LRRC36: variants seen among roughly 807,000 people sequenced by gnomAD.
The protein encoded by LRRC36 is leucine rich repeat containing 36, also known as leucine-rich repeat-containing protein 36.
In LRRC36, 62 loss-of-function variants were observed where a neutral mutation model predicts 81.1. That is an observed-to-expected ratio of 0.76 (90% CI 0.62 to 0.94). The LOEUF is 0.94. LRRC36 is among the 40% of genes least tolerant of loss of function. The pLI is 0.00. For missense variants in LRRC36, 761 were observed against 881.7 expected (o/e 0.86, Z 1.73); for synonymous variants, 334 against 348.6 (o/e 0.96, Z 0.47).
intron 1 of LRRC36, among the ~76,000 whole-genome samples, chr16:67,331,219 C>T (rs573952278): frequency 6.6e-6 from 1 of 152,284 alleles, no homozygotes; most frequent in South Asian, 2.1e-4. Flanking sequence ...AGAGGCCCCA[C>T]CTCGCAGTGC....
intron 1 of LRRC36, among the ~76,000 whole-genome samples, chr16:67,331,076 AG>A (rs1428386053): frequency 2.5e-5 from 2 of 80,020 alleles, no homozygotes; most frequent in African/African-American, 9.1e-5. Flanking sequence ...AGAAAGAGAG[AG>A]AGAGAGAGAG....
intron 1 of LRRC36, among the ~76,000 whole-genome samples, chr16:67,335,266 C>T (rs923664474): frequency 2.0e-5 from 3 of 152,134 alleles, no homozygotes; most frequent in Non-Finnish European, 2.9e-5. Flanking sequence ...TAGAGGCCTC[C>T]CTTCAGGGAT....
intron 11 of LRRC36, among the ~76,000 whole-genome samples, chr16:67,377,113 A>C (rs1422051620): frequency 2.0e-5 from 3 of 152,174 alleles, no homozygotes; most frequent in African/African-American, 7.2e-5. Context: ...ACAAACAAAA[A>C]TTCCAAAAAA....
intron 2 of LRRC36, 34 bp downstream of exon 2, chr16:67,342,118 C>T (rs1478126738): frequency 6.9e-7 from 1 of 1,458,604 alleles, no homozygotes; most frequent in South Asian, 1.5e-5. Context: ...GCCAGGTCTG[C>T]CCAATTTATT....
intron 5 of LRRC36, among the ~76,000 whole-genome samples, chr16:67,353,053 CA>C (rs1453663350): frequency 6.6e-6 from 1 of 152,088 alleles, no homozygotes; most frequent in African/African-American, 2.4e-5. Context: ...CTAGCTTTGA[CA>C]ACCTGCACTG....
At chr16:67,369,390 T>C (rs377532498) in intron 8 of LRRC36, among the ~76,000 whole-genome samples, 89 of 152,310 alleles carry the variant, frequency 5.8e-4, no homozygotes, top group African/African-American at 1.9e-3. Flanking sequence ...GGTCAAATGC[T>C]TCTCCTGATA....
intron 2 of LRRC36, among the ~76,000 whole-genome samples, chr16:67,342,378 T>C (rs1183890054): frequency 6.6e-6 from 1 of 152,194 alleles, no homozygotes. Flanking sequence ...AGAACACTTG[T>C]AGAAGTACAG....
intron 5 of LRRC36, among the ~76,000 whole-genome samples, chr16:67,356,746 G>A (rs2142062261): frequency 6.6e-6 from 1 of 152,300 alleles, no homozygotes; most frequent in Middle Eastern, 3.4e-3. Context: ...AGTACTCATT[G>A]CAGGCCTGGG....
intron 1 of LRRC36, among the ~76,000 whole-genome samples, chr16:67,328,513 G>A (rs1212565352): frequency 2.0e-5 from 3 of 151,642 alleles, no homozygotes; most frequent in Non-Finnish European, 2.9e-5. Flanking sequence ...ACTCCGTCTC[G>A]AAAAAATAAA....
chr16:67,341,344 G>A (rs1196403186), intron 1 of LRRC36, among the ~76,000 whole-genome samples: 6 of 146,726 alleles, frequency 4.1e-5, no homozygotes, highest in Non-Finnish European at 9.0e-5. Context: ...TATATGTTTT[G>A]TACATATGCA....
chr16:67,368,540 C>G (rs1597486601), intron 8 of LRRC36, among the ~76,000 whole-genome samples: 1 of 152,164 alleles, frequency 6.6e-6, no homozygotes, highest in East Asian at 1.9e-4. Context: ...CAAGGAACCT[C>G]AGGGAGGCCA....
intron 1 of LRRC36, among the ~76,000 whole-genome samples, chr16:67,330,067 C>T (rs899734959): frequency 6.6e-6 from 1 of 152,070 alleles, no homozygotes; most frequent in Admixed American, 6.6e-5. Flanking sequence ...AAAGAGTTTA[C>T]TATAACCTGA....
intron 3 of LRRC36, among the ~76,000 whole-genome samples, chr16:67,347,166 T>C (rs1390774954): frequency 6.6e-6 from 1 of 152,162 alleles, no homozygotes; most frequent in Non-Finnish European, 1.5e-5. Context: ...CCTGGGAAAG[T>C]AATTGTAGGG....
At chr16:67,344,121 C>T (rs2038233113) in intron 2 of LRRC36, among the ~76,000 whole-genome samples, 2 of 152,076 alleles carry the variant, frequency 1.3e-5, no homozygotes, top group Non-Finnish European at 2.9e-5. Flanking sequence ...CCAGCCACAT[C>T]TGTGATTTTA....
chr16:67,367,837 G>A (rs2039469978), intron 8 of LRRC36, among the ~76,000 whole-genome samples: 1 of 152,118 alleles, frequency 6.6e-6, no homozygotes, highest in Admixed American at 6.5e-5. Flanking sequence ...TGGATCACGA[G>A]GTCAGGAGTT....
At chr16:67,381,524 A>C (rs1243234170) in intron 12 of LRRC36, among the ~76,000 whole-genome samples, 1 of 152,214 alleles carries the variant, frequency 6.6e-6, no homozygotes, top group Non-Finnish European at 1.5e-5. Flanking sequence ...GCCTATGCTA[A>C]GTGAGGGTAG....
At chr16:67,365,149 G>A in intron 6 of LRRC36, 155 bp from the exon 7 acceptor site, 1 of 587,060 alleles carries the variant, frequency 1.7e-6, no homozygotes, top group Non-Finnish European at 3.1e-6. Context: ...TTTTAAAATA[G>A]ACTTAAACTG....
At chr16:67,368,812 AAGT>A (rs1378770706) in intron 8 of LRRC36, among the ~76,000 whole-genome samples, 1 of 152,176 alleles carries the variant, frequency 6.6e-6, no homozygotes, top group African/African-American at 2.4e-5. Flanking sequence ...AGGTGGTGAG[AAGT>A]AGTCAGATTC....
intron 8 of LRRC36, 66 bp downstream of exon 8, chr16:67,367,523 A>T: frequency 7.0e-7 from 1 of 1,426,252 alleles, no homozygotes; most frequent in Non-Finnish European, 9.5e-7. Context: ...ATAAGTGAAA[A>T]TTTTGGAATT....
Sources: gnomAD v4.1 joint callset for allele counts (sites outside exome capture counted in the v4.1 genomes callset) on GRCh38, gnomAD v4.1.1 for gene constraint, MANE v1.5 for transcripts, NCBI Gene and HGNC (gene_info 2026-07-23, HGNC 2026-07-21) for gene names.